CTNNA2: variants seen among roughly 807,000 people sequenced by gnomAD.
CTNNA2 encodes the protein catenin alpha-2.
Under a neutral mutation model 101.0 loss-of-function variants are expected in CTNNA2, and 42 were observed. The ratio of observed to expected loss-of-function variants is 0.42; its 90% CI spans 0.32 to 0.54. The LOEUF (loss-of-function observed/expected upper bound fraction) is 0.54. Ranked by LOEUF, CTNNA2 falls within the 20% of genes least tolerant of loss-of-function variation. The pLI is 0.14. For missense variants in CTNNA2, 871 were observed against 1,223.1 expected (o/e 0.71, Z 4.29); for synonymous variants, 450 against 456.4 (o/e 0.99, Z 0.18).
rs372688037 is a variant in CTNNA2, at chr2:80,644,647, AC to A, written c.2575-2936del. Among the ~76,000 whole-genome samples the A allele has an allele frequency of 2.8e-3, 431 of 152,268 alleles. 3 individuals carry two copies. The highest frequency in any genetic ancestry group is 9.9e-3 in the African/African-American group (412 of 41,570). ...CATCTACAGAAAAGGGCAAAATGTA[AC>A]CTTTGGAAATTCAACTTTTTTTAAA... is the stretch of plus-strand genomic sequence containing the variant. On this transcript the variant is annotated intron_variant, in intron 18 of 18. Coordinates refer to ENST00000402739, the MANE Select transcript of CTNNA2 (RefSeq NM_001282597.3).
At chr2:79,322,955 TG>T (rs1467853820) in intron 3 of CTNNA2, among the ~76,000 whole-genome samples, 2 of 152,240 alleles carry the variant, frequency 1.3e-5, no homozygotes, top group African/African-American at 4.8e-5. Flanking sequence ...TTTCTATGCC[TG>T]GTTATTTCCC....
At chr2:79,487,046 A>T (rs1671165113) in intron 4 of CTNNA2, among the ~76,000 whole-genome samples, 1 of 152,242 alleles carries the variant, frequency 6.6e-6, no homozygotes, top group Non-Finnish European at 1.5e-5. Context: ...AAAACATAAT[A>T]AATTTAAAAA....
chr2:79,383,435 T>G (rs1678061759), intron 4 of CTNNA2, among the ~76,000 whole-genome samples: 1 of 152,088 alleles, frequency 6.6e-6, no homozygotes, highest in Admixed American at 6.6e-5. Flanking sequence ...AACATGGGAC[T>G]GGGGGAGGGT....
At chr2:80,350,604 C>T (rs1357044465) in intron 7 of CTNNA2, among the ~76,000 whole-genome samples, 1 of 152,124 alleles carries the variant, frequency 6.6e-6, no homozygotes, top group African/African-American at 2.4e-5. Flanking sequence ...GACTAAGAGT[C>T]CATACCTTGT....
At chr2:80,463,037 C>T (rs751927098) in intron 9 of CTNNA2, among the ~76,000 whole-genome samples, 14 of 152,132 alleles carry the variant, frequency 9.2e-5, no homozygotes, top group African/African-American at 1.7e-4. Flanking sequence ...CAGCCTTTCT[C>T]GTCTTTTACC....
chr2:79,692,877 T>TG (rs1230739429), intron 2 of CTNNA2, among the ~76,000 whole-genome samples: 5 of 12,232 alleles, frequency 4.1e-4, no homozygotes, highest in East Asian at 3.7e-3. Context: ...TGTCGGGGGG[T>TG]GGGGGGGCTA....
At chr2:79,320,260 ATTTT>A (rs34694986) in intron 3 of CTNNA2, among the ~76,000 whole-genome samples, 10 of 119,782 alleles carry the variant, frequency 8.3e-5, no homozygotes, top group African/African-American at 2.5e-4. Context: ...TTACGTTTCA[ATTTT>A]TTTTTTTTTT....
intron 2 of CTNNA2, among the ~76,000 whole-genome samples, chr2:79,255,481 C>T (rs1674832215): frequency 6.6e-6 from 1 of 152,092 alleles, no homozygotes; most frequent in Admixed American, 6.6e-5. Context: ...AAAAGTGAAA[C>T]AAATAAGACA....
chr2:79,868,131 T>C (rs1466559928), intron 4 of CTNNA2, among the ~76,000 whole-genome samples: 2 of 152,178 alleles, frequency 1.3e-5, no homozygotes, highest in Non-Finnish European at 2.9e-5. Context: ...CTTTTTCACA[T>C]GAGCACTATT....
rs750285708 is a variant in CTNNA2 at position 80,313,584 on chromosome 2, T to G, written c.1057-79627T>G. On this transcript the variant is annotated intron_variant, in intron 7 of 18. Coordinates refer to ENST00000402739, the MANE Select transcript of CTNNA2 (RefSeq NM_001282597.3). The stretch of plus-strand genomic sequence containing the variant: ...CAGATGGATGGATGGAGAAGGCCAC[T>G]CCAGTCAGTAGGCAAAGTCTGTGAA... 10 of 1,611,232 alleles carry G rather than the reference T, an allele frequency of 6.2e-6. No homozygotes were observed. The South Asian group carries it at 1.1e-4, about 18-fold the overall frequency.
At chr2:80,174,837 T>C (rs1363857873) in intron 7 of CTNNA2, among the ~76,000 whole-genome samples, 1 of 152,162 alleles carries the variant, frequency 6.6e-6, no homozygotes, top group Non-Finnish European at 1.5e-5. Context: ...CTGTCTACAT[T>C]AGCACCACCC....
chr2:80,241,252 C>T (rs1670917101), intron 7 of CTNNA2, among the ~76,000 whole-genome samples: 1 of 151,128 alleles, frequency 6.6e-6, no homozygotes, highest in South Asian at 2.1e-4. Flanking sequence ...ACTTCTAATG[C>T]ACTGCAGTAT....
intron 4 of CTNNA2, among the ~76,000 whole-genome samples, chr2:79,422,687 G>A (rs946667526): frequency 2.0e-5 from 3 of 152,194 alleles, no homozygotes; most frequent in Admixed American, 2.0e-4. Context: ...CAAAGTTTCT[G>A]CAGACTCTGG....
At chr2:79,644,890 A>G (rs2104440424) in intron 1 of CTNNA2, among the ~76,000 whole-genome samples, 1 of 152,226 alleles carries the variant, frequency 6.6e-6, no homozygotes. Flanking sequence ...GGTGTAACTA[A>G]GCCTTGGGAT....
At chr2:80,180,757 C>T (rs1705727350) in intron 7 of CTNNA2, among the ~76,000 whole-genome samples, 1 of 152,196 alleles carries the variant, frequency 6.6e-6, no homozygotes, top group Non-Finnish European at 1.5e-5. Context: ...ACTCGTCTAT[C>T]CCAACATCCC....
chr2:80,219,958 C>T (rs955434601), intron 7 of CTNNA2, among the ~76,000 whole-genome samples: 1 of 152,108 alleles, frequency 6.6e-6, no homozygotes, highest in African/African-American at 2.4e-5. Context: ...CCTTCCCTCA[C>T]AGTACATTAA....
At chr2:79,481,011 G>T (rs1438619009) in intron 4 of CTNNA2, among the ~76,000 whole-genome samples, 1 of 151,374 alleles carries the variant, frequency 6.6e-6, no homozygotes, top group Non-Finnish European at 1.5e-5. Context: ...ATGGGCCCAA[G>T]GAAGAGTAGC....
intron 7 of CTNNA2, among the ~76,000 whole-genome samples, chr2:80,035,428 T>C (rs773891210): frequency 3.3e-5 from 5 of 152,214 alleles, no homozygotes; most frequent in Non-Finnish European, 5.9e-5. Context: ...TCACAATTGT[T>C]GTAAAAAGGA....
In CTNNA2 at chr2:80,546,062, A is replaced by G. The variant is rs546412255; in HGVS notation, c.1539A>G (p.Ser513=). The part of the protein sequence containing the change: ...ITSVDDFLSV[S]ENHILEDVNK... Reference sequence around the variant, plus strand: ...CAGTGGATGACTTCCTCTCTGTCTCAGGTAATCATCACAAACAGGTCCCTT... The same window carrying G: ...CAGTGGATGACTTCCTCTCTGTCTCGGGTAATCATCACAAACAGGTCCCTT... The change falls in exon 11 of 19, where the codon TCA becomes TCG. Residue 513 remains serine (S), a splice_region_variant and synonymous_variant. Coordinates refer to ENST00000402739, the MANE Select transcript of CTNNA2 (RefSeq NM_001282597.3). 9.3e-6 allele frequency: 15 copies of G among 1,613,796 alleles called. No homozygotes were observed. Among genetic ancestry groups the G allele is most frequent in the East Asian group, 8.9e-5 (4 of 44,828 alleles).
Sources: allele counts gnomAD v4.1 joint callset (sites outside exome capture counted in the v4.1 genomes callset), GRCh38; gene constraint gnomAD v4.1.1; transcripts MANE v1.5; gene names NCBI Gene and HGNC (gene_info 2026-07-23, HGNC 2026-07-21).